Variants in LRP6 observed in about 807,000 individuals in gnomAD.
The protein encoded by LRP6 is LDL receptor related protein 6.
Under a neutral mutation model 184.1 loss-of-function variants are expected in LRP6, and 43 were observed. The ratio of observed to expected loss-of-function variants is 0.23; its 90% CI spans 0.18 to 0.30. The LOEUF is 0.30. LRP6 is among the 10% of genes least tolerant of loss of function. The pLI, the probability that LRP6 is intolerant of heterozygous loss-of-function variation, is 1.00. For synonymous variants in LRP6, 719 were observed against 684.9 expected, an observed-to-expected ratio of 1.05 and a Z score of -0.78; for missense variants, 1,571 against 2,005.3, an observed-to-expected ratio of 0.78 and a Z score of 4.14.
At position 12,149,138 on chromosome 12, in the gene LRP6, C is replaced by T; in HGVS notation, c.3010G>A (p.Val1004Met). ...AGGTTCTGACTCGGAACTGAGCTCA[C>T]AACCACAGTAAAGCCCTAGGGAAAA... Reference protein sequence around the residue: ...EDGSQGFTVVVSSVPSQNLEI... With the variant: ...EDGSQGFTVVMSSVPSQNLEI... Residue 1004 changes from valine to methionine, a missense_variant, in exon 14 of 23, where the codon GTG becomes ATG. Around this residue, in one of 4 missense-constraint regions of LRP6, gnomAD observed 763 missense variants for 859.5 expected, o/e 0.89. Coordinates refer to ENST00000261349, the MANE Select transcript of LRP6 (RefSeq NM_002336.3). The T allele has an allele frequency of 1.9e-6, 3 of 1,613,776 alleles. No homozygotes were observed. Among genetic ancestry groups the T allele is most frequent in the Non-Finnish European group, 2.5e-6 (3 of 1,179,850 alleles).
chr12:12,144,391 C>T (rs1949974102), intron 15 of LRP6, among the ~76,000 whole-genome samples: 1 of 152,166 alleles, frequency 6.6e-6, no homozygotes, highest in Non-Finnish European at 1.5e-5. Flanking sequence ...TGCCTGTAAT[C>T]CCAGAACTTT....
At chr12:12,249,955 C>T (rs1451856456) in intron 1 of LRP6, among the ~76,000 whole-genome samples, 3 of 152,166 alleles carry the variant, frequency 2.0e-5, no homozygotes, top group Non-Finnish European at 4.4e-5. Context: ...GAGCCCCTCC[C>T]CTTTTCCCCT....
chr12:12,182,968 G>A (rs1863378553), intron 5 of LRP6, among the ~76,000 whole-genome samples: 2 of 152,176 alleles, frequency 1.3e-5, no homozygotes, highest in Admixed American at 6.5e-5. Flanking sequence ...TTAAAGTCAG[G>A]CTACATTTTT....
intron 3 of LRP6, among the ~76,000 whole-genome samples, chr12:12,202,854 G>C (rs929837584): frequency 1.3e-5 from 2 of 151,994 alleles, no homozygotes; most frequent in African/African-American, 2.4e-5. Context: ...TCCACCACCG[G>C]AACTAAAATA....
At chr12:12,217,913 G>C (rs918037370) in intron 2 of LRP6, among the ~76,000 whole-genome samples, 1 of 152,048 alleles carries the variant, frequency 6.6e-6, no homozygotes, top group Admixed American at 6.6e-5. Flanking sequence ...TAAAAGCTAA[G>C]ACCATAAAAC....
At chr12:12,258,237 C>T (rs1207930599) in intron 1 of LRP6, among the ~76,000 whole-genome samples, 1 of 152,132 alleles carries the variant, frequency 6.6e-6, no homozygotes, top group African/African-American at 2.4e-5. Context: ...CTGCCTCAGC[C>T]TTCTAAGCAG....
At chr12:12,264,917 C>G (rs1047745442) in intron 1 of LRP6, among the ~76,000 whole-genome samples, 4 of 152,192 alleles carry the variant, frequency 2.6e-5, no homozygotes, top group African/African-American at 9.7e-5. Flanking sequence ...GGTCTTGTTA[C>G]ATAAATAAGT....
At position 12,162,255 on chromosome 12, in the gene LRP6, T is replaced by G; in HGVS notation, c.2217A>C (p.Arg739=). ...CTAGGTCTTTCCACACCAAAACTTG[T>G]CGGTGCTGCCCATCCAACTTTGACA... ...IEVSKLDGQH[R]QVLVWKDLDS... is the part of the protein sequence containing the mutation. Residue 739 remains arginine, a synonymous_variant, in exon 10 of 23, where the codon CGA becomes CGC. Transcript: ENST00000261349. 6.2e-7 allele frequency: 1 copy of G among 1,614,192 alleles called. No homozygotes were observed. Among genetic ancestry groups the G allele is most frequent in the Non-Finnish European group, 8.5e-7 (1 of 1,180,024 alleles).
In LRP6 at chr12:12,150,927, C is replaced by T. The variant is rs761104084; in HGVS notation, c.2903G>A (p.Arg968Gln). The T allele has an allele frequency of 1.7e-5, 27 of 1,614,114 alleles. No homozygotes were observed. The highest frequency in any genetic ancestry group is 2.2e-5 in the Non-Finnish European group (26 of 1,180,012). Residue 968 changes from arginine (R) to glutamine (Q), a missense_variant, in exon 13 of 23, where the codon CGG (arginine) becomes CAG (glutamine). By Grantham distance (43) the Arg-to-Gln change is conservative. Around this residue, in one of 4 missense-constraint regions of LRP6, gnomAD observed 763 missense variants for 859.5 expected, o/e 0.89. Coordinates refer to ENST00000261349, the MANE Select transcript of LRP6 (RefSeq NM_002336.3). Reference protein sequence around the residue: ...ILPIHSLRNVRAIDYDPLDKQ... With the variant: ...ILPIHSLRNVQAIDYDPLDKQ... ...GTCCAGTGGGTCATAGTCAATGGCC[C>T]GGACATTCCGAAGGCTGTGGATGGG...
chr12:12,215,545 C>A (rs543875198), intron 2 of LRP6, among the ~76,000 whole-genome samples: 1 of 151,836 alleles, frequency 6.6e-6, no homozygotes, highest in African/African-American at 2.4e-5. Context: ...CCTGCCTCAG[C>A]CTCACATGTT....
chr12:12,203,176 AG>A, intron 3 of LRP6, 26 bp downstream of exon 3: 1 of 1,547,630 alleles, frequency 6.5e-7, no homozygotes, highest in Non-Finnish European at 8.7e-7. Flanking sequence ...TTTTCTTAAA[AG>A]TTTTTTCTAA....
chr12:12,146,891 G>A (rs755392324), intron 15 of LRP6, among the ~76,000 whole-genome samples: 8 of 152,212 alleles, frequency 5.3e-5, no homozygotes, highest in Non-Finnish European at 7.3e-5. Context: ...GGTGGCTTAC[G>A]CCTGTAATCC....
chr12:12,237,273 A>G lies in LRP6; in HGVS notation c.449+6989T>C, dbSNP rs1339606159. The stretch of plus-strand genomic sequence containing the variant: ...GACTGAGACCAAATATATTTTCACA[A>G]TATCACACTAATATAAATAACTGAA... On this transcript the variant is annotated intron_variant, in intron 2 of 22. Transcript: ENST00000261349. Among the ~76,000 whole-genome samples, 8 of 152,214 alleles carry G rather than the reference A, an allele frequency of 5.3e-5. No individual in the cohort carries two copies. In the East Asian group the frequency reaches 1.5e-3, roughly 29 times the overall value.
intron 11 of LRP6, 23 bp from the exon 12 acceptor site, chr12:12,159,178 CA>C (rs755558690): frequency 6.3e-7 from 1 of 1,578,164 alleles, no homozygotes; most frequent in South Asian, 1.1e-5. Flanking sequence ...AGGCAGTAGA[CA>C]GGGGAGAAGC....
At position 12,184,053 on chromosome 12, in the gene LRP6, T is replaced by A. The variant is rs1285233915; in HGVS notation, c.903A>T (p.Pro301=). The A allele has an allele frequency of 6.2e-6, 10 of 1,613,652 alleles. No homozygotes were observed. In the East Asian group the frequency reaches 8.9e-5, roughly 14 times the overall value. The change falls in exon 5 of 23, where the codon CCA becomes CCT. Residue 301 remains proline (P), a synonymous_variant. Transcript: ENST00000261349. ...AAGCACACTGATAAAAAGGCTTGACTGGAGACATCAAACACAAATGGGAAC... is the reference window on the plus strand; with the variant it reads ...AAGCACACTGATAAAAAGGCTTGACAGGAGACATCAAACACAAATGGGAAC... ...GGCSHLCLMS[P]VKPFYQCACP... is the part of the protein sequence containing the mutation.
chr12:12,207,215 A>C (rs776330501), intron 2 of LRP6, among the ~76,000 whole-genome samples: 3 of 152,186 alleles, frequency 2.0e-5, no homozygotes, highest in Admixed American at 6.5e-5. Flanking sequence ...TGTACCCAGG[A>C]ATGTTGTTAA....
At chr12:12,162,137 A>G in intron 10 of LRP6, 56 bp downstream of exon 10, 2 of 1,309,844 alleles carry the variant, frequency 1.5e-6, no homozygotes, top group Non-Finnish European at 2.2e-6. Context: ...TAACTATGCC[A>G]TGTTCCCCGA....
chr12:12,170,475 T>C (rs935439697), intron 7 of LRP6, among the ~76,000 whole-genome samples: 1 of 152,146 alleles, frequency 6.6e-6, no homozygotes, highest in African/African-American at 2.4e-5. Flanking sequence ...CTAGGTCTCT[T>C]AGAATGTGTT....
intron 1 of LRP6, among the ~76,000 whole-genome samples, chr12:12,258,195 T>G (rs1261472880): frequency 6.6e-6 from 1 of 152,156 alleles, no homozygotes; most frequent in Non-Finnish European, 1.5e-5. Flanking sequence ...TGGCTCACTG[T>G]AGCCTTGAGT....
Sources: gnomAD v4.1 joint callset for allele counts (sites outside exome capture counted in the v4.1 genomes callset) on GRCh38, gnomAD v4.1.1 for gene constraint, gnomAD v4.1.1 regional missense constraint, MANE v1.5 for transcripts, NCBI Gene and HGNC (gene_info 2026-07-23, HGNC 2026-07-21) for gene names.